TRPV4: variants seen among roughly 807,000 people sequenced by gnomAD.
The protein encoded by TRPV4 is transient receptor potential cation channel subfamily V member 4, also known as OSM9-like transient receptor potential channel 4.
In TRPV4, 58 loss-of-function variants were observed where a neutral mutation model predicts 84.1. The ratio of observed to expected loss-of-function variants is 0.69; its 90% CI spans 0.56 to 0.86. TRPV4 has a LOEUF of 0.86. Among genes scored for constraint, TRPV4 ranks in the 40% least tolerant of loss-of-function variants. The probability of loss-of-function intolerance (pLI) is 0.00; values close to 1 mark genes in which losing one functional copy is unlikely to be tolerated. For synonymous variants in TRPV4, 489 were observed against 500.9 expected (o/e 0.98, Z 0.32); for missense variants, 879 against 1,181.1 (o/e 0.74, Z 3.75).
Position 109,798,571 on chromosome 12 carries a change from G to T in TRPV4, c.1152+43C>A. ...GACCCTCGTGTGTGTGTGCAGAGGG[G>T]TACGAGTAGGTGGATCAGCTGTGCC... On this transcript the variant is annotated intron_variant, in intron 6 of 15. Coordinates refer to ENST00000261740, the MANE Select transcript of TRPV4 (RefSeq NM_021625.5). The surrounding 1 kb of genome is among the most constrained non-coding windows in gnomAD (Gnocchi z 5.0). 1 of 1,603,540 alleles carries T rather than the reference G, an allele frequency of 6.2e-7. No homozygotes were observed. The highest frequency in any genetic ancestry group is 8.5e-7 in the Non-Finnish European group (1 of 1,179,158).
rs529115496 is a variant in TRPV4 at position 109,800,637 on chromosome 12, C to T, written c.834G>A (p.Glu278=). ...CCTTACCAAAGTAGAAGTAGCCCCC[C>T]TCATCCTTGGGCTGGAAGAAGCGCC... The part of the protein sequence containing the change: ...ARGRFFQPKD[E]GGYFYFGELP... The change falls in exon 5 of 16, where the codon GAG becomes GAA. Residue 278 remains glutamate, a synonymous_variant. Coordinates refer to ENST00000261740, the MANE Select transcript of TRPV4 (RefSeq NM_021625.5). 6.8e-6 allele frequency: 11 copies of T among 1,614,236 alleles called. No individual in the cohort carries two copies. The South Asian group carries it at 9.9e-5, about 14-fold the overall frequency.
At chr12:109,806,928 C>T (rs1376033124) in intron 3 of TRPV4, among the ~76,000 whole-genome samples, 1 of 149,238 alleles carries the variant, frequency 6.7e-6, no homozygotes. Flanking sequence ...GTAGCACAGA[C>T]TTGTTCACCC....
intron 1 of TRPV4, among the ~76,000 whole-genome samples, chr12:109,819,140 T>C (rs187020468): frequency 1.3e-5 from 2 of 152,120 alleles, no homozygotes; most frequent in African/African-American, 4.8e-5. Context: ...CCCCAAACAC[T>C]GTCCTGTTCT....
chr12:109,788,922 TAA>T (rs1223177642), intron 12 of TRPV4, among the ~76,000 whole-genome samples: 1 of 152,216 alleles, frequency 6.6e-6, no homozygotes, highest in Admixed American at 6.5e-5. Context: ...AGCCTTTCCA[TAA>T]ACTCTTGCTG....
intron 11 of TRPV4, 75 bp from the exon 12 acceptor site, chr12:109,792,504 A>C (rs755181684): frequency 3.2e-6 from 5 of 1,582,162 alleles, no homozygotes; most frequent in African/African-American, 2.7e-5. Context: ...CTCCATCTCC[A>C]CCCTGGTCCC....
chr12:109,795,001 A>C (rs1207675166), intron 7 of TRPV4, among the ~76,000 whole-genome samples: 2 of 152,174 alleles, frequency 1.3e-5, no homozygotes, highest in Non-Finnish European at 2.9e-5. Flanking sequence ...CTGGGCAACA[A>C]GAGTGAGACT....
chr12:109,806,359 T>C (rs1891125076), intron 3 of TRPV4, among the ~76,000 whole-genome samples: 1 of 67,964 alleles, frequency 1.5e-5, no homozygotes, highest in African/African-American at 1.0e-4. Context: ...TAAGCCTGGC[T>C]TTTTTTTTTT....
intron 3 of TRPV4, among the ~76,000 whole-genome samples, chr12:109,806,198 TTTC>T (rs986901159): frequency 6.6e-6 from 1 of 151,972 alleles, no homozygotes; most frequent in African/African-American, 2.4e-5. Flanking sequence ...GCAATTGTAT[TTTC>T]TTTTTTTTTT....
rs1276587484 is a variant in TRPV4 at position 109,798,282 on chromosome 12, G to A, written c.1152+332C>T. ...CCAGAAAAGGGAAGGAACTGGGGCA[G>A]GGCCATTCAACAGGTTTGAGGCTGG... On this transcript the variant is annotated intron_variant, in intron 6 of 15. Coordinates refer to ENST00000261740, the MANE Select transcript of TRPV4 (RefSeq NM_021625.5). This position sits in a 1 kb window ranked among gnomAD's most constrained non-coding sequence, Gnocchi z 5.0. Among the ~76,000 whole-genome samples the A allele has an allele frequency of 6.6e-6, 1 of 152,202 alleles. No individual in the cohort carries two copies. Among genetic ancestry groups the A allele is most frequent in the Admixed American group, 6.5e-5 (1 of 15,282 alleles).
chr12:109,814,663 C>T lies in TRPV4; in HGVS notation c.134G>A (p.Gly45Asp). 6.2e-7 allele frequency: 1 copy of T among 1,613,128 alleles called. No individual in the cohort carries two copies. Among genetic ancestry groups the T allele is most frequent in the Non-Finnish European group, 8.5e-7 (1 of 1,179,782 alleles). The change falls in exon 2 of 16, where the codon GGC (glycine) becomes GAC (aspartate). Residue 45 changes from glycine to aspartate, a missense_variant. Gly to Asp is a moderately conservative substitution (Grantham distance 94). This residue lies in a region of TRPV4 where 107 missense variants were observed against 99.4 expected (regional missense o/e 1.08). Coordinates refer to ENST00000261740, the MANE Select transcript of TRPV4 (RefSeq NM_021625.5). This position sits in a 1 kb window ranked among gnomAD's most constrained non-coding sequence, Gnocchi z 5.4. ...ATCAGCCGGTGAGGGCGAAAGGGAGCCATCCTCCCCCTCAAACAGATTGGC... is the reference window on the plus strand; with the variant it reads ...ATCAGCCGGTGAGGGCGAAAGGGAGTCATCCTCCCCCTCAAACAGATTGGC... ...SLANLFEGED[G>D]SLSPSPADAS...
intron 1 of TRPV4, among the ~76,000 whole-genome samples, chr12:109,822,932 G>T: frequency 6.6e-6 from 1 of 152,356 alleles, no homozygotes; most frequent in South Asian, 2.1e-4. Flanking sequence ...AGTATCATTA[G>T]GGGAACAGAT....
intron 14 of TRPV4, among the ~76,000 whole-genome samples, chr12:109,785,240 T>C (rs1050027529): frequency 6.6e-6 from 1 of 152,090 alleles, no homozygotes; most frequent in African/African-American, 2.4e-5. Context: ...GGTCTTGAAC[T>C]CCTGGGCTCA....
At position 109,793,643 on chromosome 12, in the gene TRPV4, G is replaced by A; in HGVS notation, c.1585-43C>T. On this transcript the variant is annotated intron_variant, in intron 9 of 15. Coordinates refer to ENST00000261740, the MANE Select transcript of TRPV4 (RefSeq NM_021625.5). This position sits in a 1 kb window ranked among gnomAD's most constrained non-coding sequence, Gnocchi z 4.0. ...GCACGTGAAAGGGGTGGGGCCAGCAGGAGAGGAGAGGAGGAGAGAGGAGAC... is the reference window on the plus strand; with the variant it reads ...GCACGTGAAAGGGGTGGGGCCAGCAAGAGAGGAGAGGAGGAGAGAGGAGAC... 2.0e-6 allele frequency: 3 copies of A among 1,484,284 alleles called. No homozygotes were observed. Among genetic ancestry groups the A allele is most frequent in the Middle Eastern group, 3.5e-4 (2 of 5,744 alleles). The allele number at this position is 1,484,284 out of a possible 1,614,324, so 91.9% of individuals were successfully genotyped here. A position where few individuals can be genotyped will look rare whatever the true frequency, so the allele number is the denominator to read the frequency against.
intron 12 of TRPV4, among the ~76,000 whole-genome samples, chr12:109,790,806 G>C (rs548254762): frequency 6.6e-6 from 1 of 152,354 alleles, no homozygotes; most frequent in East Asian, 1.9e-4. Flanking sequence ...TTGGCCAACA[G>C]AGTAAGGCAG....
At chr12:109,807,393 CTTT>C (rs377690733) in intron 3 of TRPV4, among the ~76,000 whole-genome samples, 2 of 135,104 alleles carry the variant, frequency 1.5e-5, no homozygotes, top group East Asian at 2.1e-4. Flanking sequence ...TATCACAATT[CTTT>C]TTTTTTTTTT....
intron 12 of TRPV4, among the ~76,000 whole-genome samples, chr12:109,789,660 T>C (rs1162543202): frequency 1.3e-5 from 2 of 152,192 alleles, no homozygotes; most frequent in African/African-American, 4.8e-5. Context: ...GAGGGGAGCA[T>C]GAAGAAGACT....
In TRPV4 at chr12:109,793,532, C is replaced by T. The variant is rs778197123; in HGVS notation, c.1653G>A (p.Leu551=). 6.2e-7 allele frequency: 1 copy of T among 1,613,888 alleles called. No homozygotes were observed. The highest frequency in any genetic ancestry group is 1.1e-5 in the South Asian group (1 of 91,076). ...NSLFIDGSFQ[L]LYFIYSVLVI... is the part of the protein sequence containing the mutation. ...GCCCAGGGACCTCTACTCACTAGAG[C>T]AGCTGGAAGGAGCCATCAATGAAGA... Residue 551 remains leucine, a synonymous_variant, in exon 10 of 16, where the codon CTG becomes CTA. Coordinates refer to ENST00000261740, the MANE Select transcript of TRPV4 (RefSeq NM_021625.5). The surrounding 1 kb of genome is among the most constrained non-coding windows in gnomAD (Gnocchi z 4.0).
At chr12:109,809,038 C>G (rs1233000705) in intron 2 of TRPV4, among the ~76,000 whole-genome samples, 1 of 117,568 alleles carries the variant, frequency 8.5e-6, no homozygotes, top group East Asian at 2.7e-4. Context: ...ATCCACCCAC[C>G]CATCCATCCA....
At chr12:109,801,372 G>T (rs1472857311) in intron 4 of TRPV4, among the ~76,000 whole-genome samples, 1 of 152,146 alleles carries the variant, frequency 6.6e-6, no homozygotes. Flanking sequence ...TAATCATGGG[G>T]GCAGTTACCC....
Sources: gnomAD v4.1 joint callset for allele counts (sites outside exome capture counted in the v4.1 genomes callset) on GRCh38, gnomAD v4.1.1 for gene constraint, gnomAD v4.1.1 regional missense constraint, Gnocchi (gnomAD v3.1) non-coding constraint, MANE v1.5 for transcripts, NCBI Gene and HGNC (gene_info 2026-07-23, HGNC 2026-07-21) for gene names.